VWA8: variants seen among roughly 807,000 people sequenced by gnomAD.
The protein encoded by VWA8 is von Willebrand factor A domain-containing protein 8.
In VWA8, 221 loss-of-function variants were observed where a neutral mutation model predicts 241.5. That is an observed-to-expected ratio of 0.91 (90% CI 0.82 to 1.02). VWA8 has a LOEUF of 1.02. Ranked by LOEUF, VWA8 falls within the 50% of genes least tolerant of loss-of-function variation. The pLI is 0.00. For synonymous variants in VWA8, 852 were observed against 827.1 expected (o/e 1.03, Z -0.52); for missense variants, 2,322 against 2,328.7 (o/e 1.00, Z 0.06).
At chr13:41,865,713 G>A in intron 12 of VWA8, 23 bp downstream of exon 12, 1 of 1,611,440 alleles carries the variant, frequency 6.2e-7, no homozygotes. Flanking sequence ...TAGTCCAAGT[G>A]CAGCTAAAAA....
At chr13:41,842,840 C>T (rs1872121518) in intron 12 of VWA8, among the ~76,000 whole-genome samples, 1 of 152,120 alleles carries the variant, frequency 6.6e-6, no homozygotes, top group Non-Finnish European at 1.5e-5. Flanking sequence ...CCAGGTTCCA[C>T]CAAGCATTCT....
At chr13:41,924,216 A>G (rs1876713725) in intron 2 of VWA8, among the ~76,000 whole-genome samples, 1 of 152,212 alleles carries the variant, frequency 6.6e-6, no homozygotes, top group Non-Finnish European at 1.5e-5. Flanking sequence ...ATATCATAAA[A>G]AAGAACCAAA....
chr13:41,738,407 A>G (rs1410892663), intron 21 of VWA8, among the ~76,000 whole-genome samples: 1 of 152,162 alleles, frequency 6.6e-6, no homozygotes. Context: ...AAAAAGCCAC[A>G]GCAAAACAGT....
chr13:41,609,169 A>G (rs753523623), intron 39 of VWA8, among the ~76,000 whole-genome samples: 40 of 152,202 alleles, frequency 2.6e-4, no homozygotes, highest in Non-Finnish European at 5.1e-4. Flanking sequence ...AGGAACTTAC[A>G]GTCAGAGGAG....
intron 12 of VWA8, among the ~76,000 whole-genome samples, chr13:41,848,498 T>C (rs1352580126): frequency 2.0e-5 from 3 of 152,038 alleles, no homozygotes; most frequent in Admixed American, 2.0e-4. Context: ...ATGGGGGTGG[T>C]TTCCCCTATG....
chr13:41,757,542 T>C (rs1442479775), intron 21 of VWA8, among the ~76,000 whole-genome samples: 1 of 151,726 alleles, frequency 6.6e-6, no homozygotes, highest in African/African-American at 2.4e-5. Flanking sequence ...TCCTGCCATC[T>C]ACACAGTAAA....
intron 37 of VWA8, among the ~76,000 whole-genome samples, chr13:41,641,504 T>C (rs2044794804): frequency 6.6e-6 from 1 of 151,974 alleles, no homozygotes; most frequent in African/African-American, 2.4e-5. Flanking sequence ...CCTAGGGTCA[T>C]ACATAGTATG....
At chr13:41,918,304 C>T (rs868235685) in intron 2 of VWA8, among the ~76,000 whole-genome samples, 32 of 152,256 alleles carry the variant, frequency 2.1e-4, no homozygotes, top group South Asian at 1.0e-3. Flanking sequence ...AAATCTACAG[C>T]ACTGGCCAGC....
chr13:41,870,484 C>G (rs1048301287), intron 9 of VWA8, among the ~76,000 whole-genome samples: 2 of 151,934 alleles, frequency 1.3e-5, no homozygotes, highest in East Asian at 1.9e-4. Context: ...ACTAAAAATA[C>G]AAAAATTAGC....
intron 37 of VWA8, among the ~76,000 whole-genome samples, chr13:41,624,177 T>G (rs1446316535): frequency 6.6e-6 from 1 of 151,944 alleles, no homozygotes; most frequent in Non-Finnish European, 1.5e-5. Flanking sequence ...GAATCAGTAA[T>G]AAAAAAACCT....
Position 41,881,372 on chromosome 13 carries a change from C to CCGGG in VWA8, c.1080+2014_1080+2015insCCCG, listed in dbSNP as rs1491423444. Among the ~76,000 whole-genome samples, 13 of 8,294 alleles carry CCGGG rather than the reference C, an allele frequency of 1.6e-3. 4 individuals carry two copies. Among genetic ancestry groups the CCGGG allele is most frequent in the South Asian group, 6.1e-3 (1 of 164 alleles). 5.4% of individuals were successfully genotyped at this position (8,294 alleles called of 152,430 possible). A position where few individuals can be genotyped will look rare whatever the true frequency, so the allele number is the denominator to read the frequency against. On this transcript the variant is annotated intron_variant, in intron 9 of 44. Transcript: ENST00000379310. ...CTAGAACATCATAGTTTTTTTTTGC[C>CCGGG]GGGGGGGGGGGGGGGGGGGTAAGGT...
chr13:41,920,838 C>A (rs1415071982), intron 2 of VWA8, among the ~76,000 whole-genome samples: 1 of 152,116 alleles, frequency 6.6e-6, no homozygotes, highest in East Asian at 1.9e-4. Flanking sequence ...GGATTCACAG[C>A]CAAATTCTAC....
intron 37 of VWA8, among the ~76,000 whole-genome samples, chr13:41,635,828 TAGAC>T (rs149421934): frequency 0.033 from 5,015 of 152,056 alleles, 277 homozygotes; most frequent in African/African-American, 0.11. Context: ...GAGTAAGAAT[TAGAC>T]AGCGCAGGAG....
rs1870453042 is a variant in VWA8 at position 41,811,247 on chromosome 13, C to T, written c.2041G>A (p.Val681Ile). The T allele has an allele frequency of 1.9e-6, 3 of 1,608,464 alleles. No individual in the cohort carries two copies. Among genetic ancestry groups the T allele is most frequent in the Non-Finnish European group, 2.6e-6 (3 of 1,175,794 alleles). Residue 681 changes from valine (V) to isoleucine (I), a missense_variant, in exon 17 of 45, where the codon GTT (valine) becomes ATT (isoleucine). Coordinates refer to ENST00000379310, the MANE Select transcript of VWA8 (RefSeq NM_015058.2). ...TACCTGGAAAGGCAGGCTTTAGTAA[C>T]AGCACTGTGAAGATTTTCATTAGGA... is the stretch of plus-strand genomic sequence containing the variant. ...QYPNENLHSA[V>I]TKACLSRFLP...
intron 12 of VWA8, among the ~76,000 whole-genome samples, chr13:41,853,240 T>G (rs1476282555): frequency 6.6e-6 from 1 of 152,102 alleles, no homozygotes; most frequent in Admixed American, 6.5e-5. Context: ...GCTTTCAGCT[T>G]TTTACCATTG....
chr13:41,925,092 G>A (rs1051636596), intron 2 of VWA8, among the ~76,000 whole-genome samples: 19 of 152,162 alleles, frequency 1.2e-4, no homozygotes, highest in Admixed American at 1.3e-4. Context: ...CAGGCCAGGA[G>A]AGAATGGAAT....
At chr13:41,706,042 T>C (rs764298749) in intron 26 of VWA8, among the ~76,000 whole-genome samples, 1 of 152,188 alleles carries the variant, frequency 6.6e-6, no homozygotes, top group Non-Finnish European at 1.5e-5. Flanking sequence ...AATCTTTGGT[T>C]GATACCTAGC....
At chr13:41,909,647 T>C (rs1181612218) in intron 3 of VWA8, among the ~76,000 whole-genome samples, 1 of 152,184 alleles carries the variant, frequency 6.6e-6, no homozygotes, top group Non-Finnish European at 1.5e-5. Context: ...CCTCTTATTG[T>C]TAAACTGCAC....
intron 4 of VWA8, among the ~76,000 whole-genome samples, chr13:41,894,800 CTAATA>C (rs1197629826): frequency 6.6e-6 from 1 of 152,164 alleles, no homozygotes; most frequent in Non-Finnish European, 1.5e-5. Flanking sequence ...TACCAGACTT[CTAATA>C]TGATACCCTG....
Sources: allele counts gnomAD v4.1 joint callset (sites outside exome capture counted in the v4.1 genomes callset), GRCh38; gene constraint gnomAD v4.1.1; transcripts MANE v1.5; gene names NCBI Gene and HGNC (gene_info 2026-07-23, HGNC 2026-07-21).